Variants in TBK1 observed in about 807,000 individuals in gnomAD.
TBK1 encodes TANK binding kinase 1, also known as serine/threonine-protein kinase TBK1.
TBK1 carries 37 observed loss-of-function variants against 99.9 expected under a neutral mutation model. The ratio of observed to expected loss-of-function variants is 0.37; its 90% CI spans 0.28 to 0.49. TBK1 has a LOEUF of 0.49. TBK1 is among the 20% of genes least tolerant of loss of function. TBK1 has a pLI of 0.98. For synonymous variants in TBK1, 258 were observed against 279.8 expected (o/e 0.92, Z 0.78); for missense variants, 644 against 872.5 (o/e 0.74, Z 3.30).
At chr12:64,457,986 C>T (rs1466000576) in intron 2 of TBK1, among the ~76,000 whole-genome samples, 1 of 152,084 alleles carries the variant, frequency 6.6e-6, no homozygotes, top group African/African-American at 2.4e-5. Context: ...TGGCTCACGC[C>T]TGTAATCCCA....
intron 7 of TBK1, among the ~76,000 whole-genome samples, chr12:64,481,496 C>T (rs949597640): frequency 2.0e-5 from 3 of 152,096 alleles, no homozygotes; most frequent in Non-Finnish European, 2.9e-5. Context: ...GTGGCATACA[C>T]CTATAATCCC....
Position 64,480,041 on chromosome 12 carries a change from G to A in TBK1, c.731G>A (p.Gly244Asp). Reference protein sequence around the residue: ...MYKIITGKPSGAISGVQKAEN... With the variant: ...MYKIITGKPSDAISGVQKAEN... Reference sequence around the variant, plus strand: ...AAAATAATTACAGGAAAGCCTTCTGGTGCAATATCTGGAGTACAGAAAGCA... The same window carrying A: ...AAAATAATTACAGGAAAGCCTTCTGATGCAATATCTGGAGTACAGAAAGCA... Residue 244 changes from glycine (G) to aspartate (D), a missense_variant, in exon 7 of 21, where the codon GGT becomes GAT. Physicochemically the swap from Gly to Asp is moderately conservative, Grantham distance 94. Around this residue, in one of 3 missense-constraint regions of TBK1, gnomAD observed 465 missense variants for 588.0 expected, o/e 0.79. Coordinates refer to ENST00000331710, the MANE Select transcript of TBK1 (RefSeq NM_013254.4). 6.2e-7 allele frequency: 1 copy of A among 1,611,992 alleles called. No individual in the cohort carries two copies. The highest frequency in any genetic ancestry group is 8.5e-7 in the Non-Finnish European group (1 of 1,178,924).
Position 64,460,184 on chromosome 12 carries a change from T to A in TBK1, c.88-5T>A. The A allele has an allele frequency of 6.8e-7, 1 of 1,476,646 alleles. No individual in the cohort carries two copies. Among genetic ancestry groups the A allele is most frequent in the Non-Finnish European group, 9.1e-7 (1 of 1,098,982 alleles). The allele number at this position is 1,476,646 out of a possible 1,614,324, so 91.5% of individuals were successfully genotyped here. A position where few individuals can be genotyped will look rare whatever the true frequency, so the allele number is the denominator to read the frequency against. ...AAATAAAACATTTCTCTCTCTTTTT[T>A]AAAGAAAACTGGTGATTTATTTGCT... On this transcript the variant is annotated splice_region_variant and splice_polypyrimidine_tract_variant and intron_variant, in intron 2 of 20. Transcript: ENST00000331710.
At chr12:64,456,789 C>T (rs906546149) in intron 2 of TBK1, among the ~76,000 whole-genome samples, 2 of 149,540 alleles carry the variant, frequency 1.3e-5, no homozygotes, top group African/African-American at 2.5e-5. Context: ...CTGCAGTGAG[C>T]CAAGATAGCA....
chr12:64,460,907 C>G (rs1473631083), intron 3 of TBK1, among the ~76,000 whole-genome samples: 2 of 150,780 alleles, frequency 1.3e-5, no homozygotes, highest in East Asian at 1.9e-4. Flanking sequence ...ATGGCAAAAC[C>G]CTGTCTCTGT....
At position 64,464,380 on chromosome 12, in the gene TBK1, G is replaced by A; in HGVS notation, c.275G>A (p.Gly92Glu). 1 of 1,605,838 alleles carries A rather than the reference G, an allele frequency of 6.2e-7. No individual in the cohort carries two copies. ...CTTATTATGGAATTTTGTCCATGTG[G>A]GAGTTTATACACTGTTTTAGAAGAA... Reference protein sequence around the residue: ...KVLIMEFCPCGSLYTVLEEPS... With the variant: ...KVLIMEFCPCESLYTVLEEPS... The change falls in exon 4 of 21, where the codon GGG (glycine) becomes GAG (glutamate). Residue 92 changes from glycine to glutamate, a missense_variant. Physicochemically the swap from Gly to Glu is moderately conservative, Grantham distance 98. Around this residue, in one of 3 missense-constraint regions of TBK1, gnomAD observed 148 missense variants for 202.1 expected, o/e 0.73. Transcript: ENST00000331710.
At chr12:64,454,672 C>CTTTTTTTTTTTTTTTTTTTTTTT (rs11358053) in intron 1 of TBK1, among the ~76,000 whole-genome samples, 1 of 83,634 alleles carries the variant, frequency 1.2e-5, no homozygotes, top group African/African-American at 4.9e-5. Flanking sequence ...AAACTCAGAT[C>CTTTTTTTTTTTTTTTTTTTTTTT]TTTTTTTTTT....
At chr12:64,479,818 G>A (rs559297371) in intron 6 of TBK1, among the ~76,000 whole-genome samples, 194 bp from the exon 7 acceptor site, 22 of 152,180 alleles carry the variant, frequency 1.4e-4, no homozygotes, top group South Asian at 4.1e-4. Flanking sequence ...ATAAATAACC[G>A]TACAACCACT....
rs1013713731 is a variant in TBK1, at chr12:64,501,765, C to T, written c.*384C>T. The T allele has an allele frequency of 2.3e-5, 4 of 176,432 alleles. No homozygotes were observed. Among genetic ancestry groups the T allele is most frequent in the African/African-American group, 9.6e-5 (4 of 41,724 alleles). The allele number at this position is 176,432 out of a possible 1,614,324, so 10.9% of individuals were successfully genotyped here. A position where few individuals can be genotyped will look rare whatever the true frequency, so the allele number is the denominator to read the frequency against. On this transcript the variant is annotated 3_prime_UTR_variant, in exon 21 of 21. Coordinates refer to ENST00000331710, the MANE Select transcript of TBK1 (RefSeq NM_013254.4). ...CATCCTTACAAATCAGGAAGACTGACTTGACACGTTTGTAAATGGTAGAAC... is the reference window on the plus strand; with the variant it reads ...CATCCTTACAAATCAGGAAGACTGATTTGACACGTTTGTAAATGGTAGAAC...
chr12:64,490,429 GA>G (rs1426655265), intron 13 of TBK1, among the ~76,000 whole-genome samples: 1 of 151,926 alleles, frequency 6.6e-6, no homozygotes, highest in Non-Finnish European at 1.5e-5. Context: ...CCCATCTTTA[GA>G]AACTTCTTTA....
At chr12:64,464,125 G>A (rs528219326) in intron 3 of TBK1, among the ~76,000 whole-genome samples, 3 of 152,084 alleles carry the variant, frequency 2.0e-5, no homozygotes, top group African/African-American at 7.2e-5. Context: ...GCCTCCCAAA[G>A]TGCTGGGATT....
Position 64,498,001 on chromosome 12 carries a change from G to C in TBK1, c.2100G>C (p.Val700=), listed in dbSNP as rs773039023. The C allele has an allele frequency of 1.3e-6, 2 of 1,597,092 alleles. No homozygotes were observed. The highest frequency in any genetic ancestry group is 2.2e-5 in the East Asian group (1 of 44,670). The change falls in exon 20 of 21, where the codon GTG becomes GTC. Residue 700 remains valine (V), a synonymous_variant. Coordinates refer to ENST00000331710, the MANE Select transcript of TBK1 (RefSeq NM_013254.4). The part of the protein sequence containing the change: ...MKKLKEEMEG[V]VKELAENNHI... ...AATTAAAGGAAGAGATGGAAGGGGT[G>C]GTTAAAGAACTTGCTGAAAATAACC... is the stretch of plus-strand genomic sequence containing the variant.
intron 10 of TBK1, 150 bp from the exon 11 acceptor site, chr12:64,485,776 A>G (rs991554923): frequency 2.1e-6 from 1 of 466,986 alleles, no homozygotes. Flanking sequence ...TATTATATTT[A>G]TATCTATTTT....
intron 13 of TBK1, among the ~76,000 whole-genome samples, chr12:64,493,481 G>A (rs141246488): frequency 0.025 from 3,872 of 152,076 alleles, 73 homozygotes; most frequent in Middle Eastern, 0.041. Context: ...ACAAAAATTA[G>A]CCGGGCGTAG....
chr12:64,462,690 AAATT>A (rs1264391427), intron 3 of TBK1, among the ~76,000 whole-genome samples: 5 of 152,276 alleles, frequency 3.3e-5, no homozygotes, highest in African/African-American at 9.6e-5. Context: ...ATGTAGAAAA[AAATT>A]AGAAAAGAAA....
rs775978233 is a variant in TBK1 at position 64,496,402 on chromosome 12, G to A, written c.1756G>A (p.Asp586Asn). The A allele has an allele frequency of 6.4e-6, 8 of 1,259,524 alleles. No homozygotes were observed. The South Asian group carries it at 1.1e-4, about 18-fold the overall frequency. The allele number at this position is 1,259,524 out of a possible 1,614,324, so 78.0% of individuals were successfully genotyped here. Residue 586 changes from aspartate (D) to asparagine (N), a missense_variant, in exon 16 of 21, where the codon GAT (aspartate) becomes AAT (asparagine). By Grantham distance (23) the Asp-to-Asn change is conservative. Around this residue, in one of 3 missense-constraint regions of TBK1, gnomAD observed 465 missense variants for 588.0 expected, o/e 0.79. Coordinates refer to ENST00000331710, the MANE Select transcript of TBK1 (RefSeq NM_013254.4). ...AYNEEQIHKF[D>N]KQKLYYHATK... ...TAATGAAGAACAAATCCACAAATTT[G>A]ATAAGTAAGTATCCAGATTATGTTT...
intron 11 of TBK1, among the ~76,000 whole-genome samples, chr12:64,488,058 CAAAATCT>C (rs1268957072): frequency 4.6e-5 from 7 of 152,108 alleles, no homozygotes; most frequent in African/African-American, 1.7e-4. Context: ...TCCCAAAATC[CAAAATCT>C]GAAAAACACT....
chr12:64,485,389 C>A, intron 9 of TBK1, 66 bp from the exon 10 acceptor site: 1 of 732,192 alleles, frequency 1.4e-6, no homozygotes, highest in East Asian at 3.0e-5. Context: ...TGTGTTTGCT[C>A]TATAAAGGAT....
chr12:64,500,002 G>A (rs547596285), intron 20 of TBK1, among the ~76,000 whole-genome samples: 1 of 152,056 alleles, frequency 6.6e-6, no homozygotes, highest in Non-Finnish European at 1.5e-5. Flanking sequence ...AGCCAAAGAT[G>A]TGCTTTTAAC....
Sources: gnomAD v4.1 joint callset for allele counts (sites outside exome capture counted in the v4.1 genomes callset) on GRCh38, gnomAD v4.1.1 for gene constraint, gnomAD v4.1.1 regional missense constraint, MANE v1.5 for transcripts, NCBI Gene and HGNC (gene_info 2026-07-23, HGNC 2026-07-21) for gene names.